Variants in CREB5 observed in about 807,000 individuals in gnomAD.
CREB5 encodes the protein cyclic AMP-responsive element-binding protein 5.
In CREB5, 19 loss-of-function variants were observed where a neutral mutation model predicts 57.1. The ratio of observed to expected loss-of-function variants is 0.33; its 90% CI spans 0.23 to 0.49. The LOEUF (loss-of-function observed/expected upper bound fraction) is 0.49, where lower values mean the gene tolerates loss of function less well. CREB5 is among the 20% of genes least tolerant of loss of function. CREB5 has a pLI of 0.99. For missense variants in CREB5, 579 were observed against 671.6 expected, an observed-to-expected ratio of 0.86 and a Z score of 1.52; for synonymous variants, 238 against 238.3, an observed-to-expected ratio of 1.00 and a Z score of 0.01.
At chr7:28,545,693 C>T (rs1794388375) in intron 4 of CREB5, among the ~76,000 whole-genome samples, 1 of 152,206 alleles carries the variant, frequency 6.6e-6, no homozygotes, top group African/African-American at 2.4e-5. Flanking sequence ...TATAAACTAA[C>T]TTCTCAGATC....
chr7:28,593,139 G>A (rs552179398), intron 5 of CREB5, among the ~76,000 whole-genome samples: 46 of 152,344 alleles, frequency 3.0e-4, no homozygotes, highest in African/African-American at 1.1e-3. Context: ...TAACCATGAT[G>A]ATAACCACAC....
intron 1 of CREB5, among the ~76,000 whole-genome samples, chr7:28,463,870 A>G (rs1790449429): frequency 6.6e-6 from 1 of 152,158 alleles, no homozygotes. Context: ...GTCTGTGAAT[A>G]GAGATAGTTT....
At chr7:28,642,832 A>G (rs556014366) in intron 5 of CREB5, among the ~76,000 whole-genome samples, 2 of 152,242 alleles carry the variant, frequency 1.3e-5, no homozygotes, top group South Asian at 4.2e-4. Context: ...TGTAAATGGC[A>G]TATGTAATAG....
At chr7:28,401,140 G>A (rs185305082) in intron 1 of CREB5, among the ~76,000 whole-genome samples, 10 of 152,188 alleles carry the variant, frequency 6.6e-5, no homozygotes, top group Admixed American at 5.9e-4. Flanking sequence ...TCCTTTAATC[G>A]AGTCGCTTTC....
intron 5 of CREB5, among the ~76,000 whole-genome samples, chr7:28,669,754 A>G (rs925114715): frequency 6.6e-6 from 1 of 152,182 alleles, no homozygotes; most frequent in Admixed American, 6.5e-5. Context: ...TTACTGTTTT[A>G]CCGTAAGCTC....
At chr7:28,435,771 C>A in intron 1 of CREB5, 2 of 659,688 alleles carry the variant, frequency 3.0e-6, no homozygotes, top group Non-Finnish European at 3.8e-6. Context: ...GAAGAAGATG[C>A]TCTGGTATGA....
intron 4 of CREB5, among the ~76,000 whole-genome samples, chr7:28,560,907 T>TGTGTGC (rs1345229998): frequency 9.4e-5 from 4 of 42,740 alleles, no homozygotes; most frequent in African/African-American, 2.7e-4. Context: ...CGTGCGCGCG[T>TGTGTGC]GCGTGTGCGT....
intron 1 of CREB5, among the ~76,000 whole-genome samples, chr7:28,428,736 G>T (rs950578764): frequency 6.6e-6 from 1 of 152,110 alleles, no homozygotes; most frequent in Non-Finnish European, 1.5e-5. Flanking sequence ...TTCAGGGAAG[G>T]GGTCTCAGCT....
intron 4 of CREB5, among the ~76,000 whole-genome samples, chr7:28,519,511 T>G (rs995486085): frequency 2.1e-5 from 3 of 140,114 alleles, no homozygotes; most frequent in Non-Finnish European, 4.7e-5. Flanking sequence ...GAGGTGAACT[T>G]AGAGTTGATT....
chr7:28,467,942 A>G (rs1243115681), intron 1 of CREB5, among the ~76,000 whole-genome samples: 1 of 152,228 alleles, frequency 6.6e-6, no homozygotes, highest in Non-Finnish European at 1.5e-5. Context: ...CGATAGTCAA[A>G]TGGCCTTAGG....
chr7:28,606,997 A>G (rs940846379), intron 5 of CREB5, among the ~76,000 whole-genome samples: 1 of 152,110 alleles, frequency 6.6e-6, no homozygotes, highest in Non-Finnish European at 1.5e-5. Context: ...TTGAAACTAT[A>G]TTTTATTGCT....
intron 5 of CREB5, among the ~76,000 whole-genome samples, chr7:28,585,936 A>G (rs1000466467): frequency 3.9e-5 from 6 of 152,210 alleles, no homozygotes; most frequent in Non-Finnish European, 7.3e-5. Flanking sequence ...ACCTTTGAGC[A>G]TAACAGATAA....
chr7:28,638,264 GACACACAC>G (rs56956362), intron 5 of CREB5, among the ~76,000 whole-genome samples: 1 of 145,710 alleles, frequency 6.9e-6, no homozygotes, highest in Admixed American at 6.9e-5. Flanking sequence ...AAAGAAACTA[GACACACAC>G]ACACACACAC....
At position 28,343,199 on chromosome 7, in the gene CREB5, G is replaced by A. The variant is rs566046849; in HGVS notation, c.-25+43758G>A. ...TTGTGATCTGCCTGCCTCGGCCTCCGAAAGTGCTGGGATTACAGGCATGAG... is the reference window on the plus strand; with the variant it reads ...TTGTGATCTGCCTGCCTCGGCCTCCAAAAGTGCTGGGATTACAGGCATGAG... On this transcript the variant is annotated intron_variant, in intron 1 of 9. Coordinates refer to the CREB5 transcript ENST00000396299. Among the ~76,000 whole-genome samples, 9 of 152,178 alleles carry A rather than the reference G, an allele frequency of 5.9e-5. No individual in the cohort carries two copies. The South Asian group carries it at 1.2e-3, about 21-fold the overall frequency.
intron 1 of CREB5, among the ~76,000 whole-genome samples, chr7:28,384,804 A>C (rs1281515910): frequency 6.6e-6 from 1 of 152,192 alleles, no homozygotes; most frequent in African/African-American, 2.4e-5. Context: ...AAACAGAAAG[A>C]TATTAATCTG....
intron 1 of CREB5, among the ~76,000 whole-genome samples, chr7:28,346,737 G>C (rs1455047315): frequency 1.3e-5 from 2 of 152,190 alleles, no homozygotes; most frequent in African/African-American, 2.4e-5. Context: ...AGGTGGTTAA[G>C]AGCGGAGGGC....
At chr7:28,669,472 C>T (rs1271509880) in intron 5 of CREB5, among the ~76,000 whole-genome samples, 1 of 152,122 alleles carries the variant, frequency 6.6e-6, no homozygotes, top group Non-Finnish European at 1.5e-5. Context: ...ACTGTACCAG[C>T]GTCAATTTCT....
At chr7:28,710,997 A>T (rs1802373440) in intron 5 of CREB5, among the ~76,000 whole-genome samples, 1 of 152,194 alleles carries the variant, frequency 6.6e-6, no homozygotes, top group Non-Finnish European at 1.5e-5. Context: ...AGGAAGACAG[A>T]TGGCGCTTCC....
chr7:28,438,436 G>A (rs991853606), intron 1 of CREB5, among the ~76,000 whole-genome samples: 16 of 152,022 alleles, frequency 1.1e-4, no homozygotes, highest in Non-Finnish European at 2.2e-4. Context: ...GGGCCTCTCG[G>A]TTTTTCCTTA....
Sources: gnomAD v4.1 joint callset for allele counts (sites outside exome capture counted in the v4.1 genomes callset) on GRCh38, gnomAD v4.1.1 for gene constraint, MANE v1.5 for transcripts, NCBI Gene and HGNC (gene_info 2026-07-23, HGNC 2026-07-21) for gene names.